Variants in MYO5B observed in about 807,000 individuals in gnomAD.
MYO5B encodes the protein myosin VB.
A neutral mutation model predicts 229.3 loss-of-function variants in MYO5B; 143 were observed. That is an observed-to-expected ratio of 0.62 (90% CI 0.54 to 0.72). The LOEUF is 0.72. Ranked by LOEUF, MYO5B falls within the 30% of genes least tolerant of loss-of-function variation. MYO5B has a pLI of 0.00. For missense variants in MYO5B, 2,321 were observed against 2,331.0 expected, an observed-to-expected ratio of 1.00 and a Z score of 0.09; for synonymous variants, 918 against 885.2, an observed-to-expected ratio of 1.04 and a Z score of -0.66.
intron 6 of MYO5B, among the ~76,000 whole-genome samples, chr18:49,991,981 C>T (rs2025938705): frequency 6.6e-6 from 1 of 152,160 alleles, no homozygotes; most frequent in African/African-American, 2.4e-5. Flanking sequence ...CTTTAAAATC[C>T]ATAAGGAAAA....
At chr18:50,105,564 G>C (rs953275577) in intron 1 of MYO5B, among the ~76,000 whole-genome samples, 3 of 152,162 alleles carry the variant, frequency 2.0e-5, no homozygotes, top group Non-Finnish European at 4.4e-5. Context: ...GAACTATAGT[G>C]ATGGAGGACA....
At chr18:50,164,830 T>C (rs1261174333) in intron 1 of MYO5B, among the ~76,000 whole-genome samples, 2 of 152,214 alleles carry the variant, frequency 1.3e-5, no homozygotes, top group African/African-American at 2.4e-5. Flanking sequence ...TTCTTAAAAA[T>C]TGGGTTTCTA....
In MYO5B at chr18:49,912,846, G is replaced by A. The variant is rs139506349; in HGVS notation, c.2091-673C>T. Among the ~76,000 whole-genome samples, 1,518 of 152,340 alleles carry A rather than the reference G, an allele frequency of 1.0e-2. 13 individuals are homozygous for A. The highest frequency in any genetic ancestry group is 0.015 in the Non-Finnish European group (1,008 of 68,042). On this transcript the variant is annotated intron_variant, in intron 17 of 39. Transcript: ENST00000285039. ...CAAGCATGCAGTGCTCCACTCCTCA[G>A]AAGCAGGAGCCTTACCTAGAGCACA...
intron 17 of MYO5B, among the ~76,000 whole-genome samples, chr18:49,921,410 C>T (rs3018270): frequency 0.59 from 89,409 of 151,836 alleles, 26,462 homozygotes; most frequent in Middle Eastern, 0.66. Flanking sequence ...TGCACAGGCA[C>T]GAGACCTAGG....
intron 10 of MYO5B, among the ~76,000 whole-genome samples, chr18:49,974,056 A>T (rs776081220): frequency 4.6e-5 from 7 of 152,186 alleles, no homozygotes; most frequent in Non-Finnish European, 8.8e-5. Context: ...TCTTGGCCTC[A>T]CTTTCTCAGG....
In MYO5B at chr18:49,961,076, T is replaced by C. The variant is rs541451584; in HGVS notation, c.1545+1190A>G. 5.3e-5 allele frequency among the ~76,000 whole-genome samples: 8 copies of C among 152,278 alleles called. No homozygotes were observed. The South Asian group carries it at 1.7e-3, about 32-fold the overall frequency. The stretch of plus-strand genomic sequence containing the variant: ...TGGGGAAAAGGAGCATGACCTTGGC[T>C]GAGTTTGGGAAGGGAGGTGGTAGTA... On this transcript the variant is annotated intron_variant, in intron 12 of 39. Coordinates refer to ENST00000285039, the MANE Select transcript of MYO5B (RefSeq NM_001080467.3).
chr18:49,948,425 G>C (rs1243733372), intron 14 of MYO5B, among the ~76,000 whole-genome samples: 1 of 151,958 alleles, frequency 6.6e-6, no homozygotes, highest in African/African-American at 2.4e-5. Context: ...AAGACAACAT[G>C]GACTCTCCTG....
At chr18:49,934,733 A>C (rs2025230629) in intron 16 of MYO5B, among the ~76,000 whole-genome samples, 1 of 152,232 alleles carries the variant, frequency 6.6e-6, no homozygotes, top group African/African-American at 2.4e-5. Flanking sequence ...GAGGAAGGGA[A>C]GAGCAAGCAA....
intron 10 of MYO5B, among the ~76,000 whole-genome samples, chr18:49,966,230 G>T (rs1399471933): frequency 6.6e-6 from 1 of 152,186 alleles, no homozygotes; most frequent in Non-Finnish European, 1.5e-5. Context: ...ATCATTTAGA[G>T]ATTAAATGAG....
At chr18:50,068,411 C>G (rs2030874724) in intron 1 of MYO5B, among the ~76,000 whole-genome samples, 1 of 152,192 alleles carries the variant, frequency 6.6e-6, no homozygotes, top group South Asian at 2.1e-4. Context: ...CCCAGTGGCC[C>G]CTGCCATTGC....
At chr18:50,193,562 T>C (rs571905133) in intron 1 of MYO5B, among the ~76,000 whole-genome samples, 6 of 152,230 alleles carry the variant, frequency 3.9e-5, no homozygotes, top group Non-Finnish European at 8.8e-5. Flanking sequence ...GACGCGGAAG[T>C]GACTGTTCCT....
At chr18:49,974,173 C>T (rs1298847196) in intron 10 of MYO5B, among the ~76,000 whole-genome samples, 177 bp downstream of exon 10, 2 of 152,186 alleles carry the variant, frequency 1.3e-5, no homozygotes, top group Non-Finnish European at 2.9e-5. Flanking sequence ...CACTAAGCCT[C>T]CCTGGCCTCA....
chr18:49,904,843 G>C lies in MYO5B; in HGVS notation c.2415-15C>G, dbSNP rs2024881912. The C allele has an allele frequency of 6.2e-7, 1 of 1,612,882 alleles. No homozygotes were observed. The highest frequency in any genetic ancestry group is 1.1e-5 in the South Asian group (1 of 91,054). On this transcript the variant is annotated splice_polypyrimidine_tract_variant and intron_variant, in intron 19 of 39. Transcript: ENST00000285039. ...GCTCAGCCAGCCTGGGGAGCAAGAG[G>C]AAACAGGCAGTGTCAGGGAGAGAGT...
chr18:50,063,462 GTTTT>G (rs2030739503), intron 1 of MYO5B, among the ~76,000 whole-genome samples: 1 of 152,152 alleles, frequency 6.6e-6, no homozygotes, highest in Admixed American at 6.6e-5. Flanking sequence ...TCTTGCTGCT[GTTTT>G]CTCTTAAATG....
At position 50,072,445 on chromosome 18, in the gene MYO5B, T is replaced by A. The variant is rs78034566; in HGVS notation, c.28-17067A>T. On this transcript the variant is annotated intron_variant, in intron 1 of 39. Transcript: ENST00000285039. ...TCAGGGAGTGTAGCCTGGGGGGAAATTAGAAATGAGGGTTGGTGGTGTGAA... is the reference window on the plus strand; with the variant it reads ...TCAGGGAGTGTAGCCTGGGGGGAAAATAGAAATGAGGGTTGGTGGTGTGAA... 2.0e-3 allele frequency among the ~76,000 whole-genome samples: 309 copies of A among 151,954 alleles called. 2 individuals carry two copies. The East Asian group carries it at 0.026, about 13-fold the overall frequency.
chr18:49,840,288 G>A (rs2024040941), intron 35 of MYO5B: 1 of 152,208 alleles, frequency 6.6e-6, no homozygotes, highest in Non-Finnish European at 1.5e-5. Flanking sequence ...TGGATATTAT[G>A]ATTTTGTAAC....
chr18:50,067,373 C>T (rs1170174004), intron 1 of MYO5B, among the ~76,000 whole-genome samples: 4 of 152,166 alleles, frequency 2.6e-5, no homozygotes, highest in Non-Finnish European at 5.9e-5. Context: ...CTTCCTTCAA[C>T]CCAAACCTGA....
intron 5 of MYO5B, among the ~76,000 whole-genome samples, chr18:50,000,414 G>T (rs1337143536): frequency 6.6e-6 from 1 of 152,158 alleles, no homozygotes; most frequent in Non-Finnish European, 1.5e-5. Flanking sequence ...CTGGCAGAAA[G>T]GCCTGCTCCT....
intron 2 of MYO5B, among the ~76,000 whole-genome samples, chr18:50,048,356 G>C (rs1039868273): frequency 6.6e-6 from 1 of 152,176 alleles, no homozygotes; most frequent in Non-Finnish European, 1.5e-5. Flanking sequence ...TGAGGAAGTA[G>C]CAAATTAACC....
Sources: gnomAD v4.1 joint callset for allele counts (sites outside exome capture counted in the v4.1 genomes callset) on GRCh38, gnomAD v4.1.1 for gene constraint, MANE v1.5 for transcripts, NCBI Gene and HGNC (gene_info 2026-07-23, HGNC 2026-07-21) for gene names.